KIAA1328: variants seen among roughly 807,000 people sequenced by gnomAD.
KIAA1328 encodes the protein protein hinderin.
Under a neutral mutation model 68.1 loss-of-function variants are expected in KIAA1328, and 52 were observed. The ratio of observed to expected loss-of-function variants is 0.76; its 90% CI spans 0.61 to 0.96. The LOEUF is 0.96. Among genes scored for constraint, KIAA1328 ranks in the 40% least tolerant of loss-of-function variants. The pLI is 0.00. For synonymous variants in KIAA1328, 232 were observed against 239.4 expected (o/e 0.97, Z 0.28); for missense variants, 641 against 677.6 (o/e 0.95, Z 0.60).
At chr18:36,942,667 A>G (rs938666938) in intron 5 of KIAA1328, among the ~76,000 whole-genome samples, 2 of 152,180 alleles carry the variant, frequency 1.3e-5, no homozygotes, top group Non-Finnish European at 2.9e-5. Context: ...TTAATTTTTA[A>G]TAGGAGTAAC....
chr18:36,971,478 A>T (rs2052208718), intron 6 of KIAA1328, among the ~76,000 whole-genome samples: 1 of 152,018 alleles, frequency 6.6e-6, no homozygotes, highest in Admixed American at 6.6e-5. Context: ...AAAAATACAG[A>T]ATTAGCCAGG....
chr18:37,138,069 A>G (rs910739334), intron 7 of KIAA1328, among the ~76,000 whole-genome samples: 2 of 152,206 alleles, frequency 1.3e-5, no homozygotes, highest in Non-Finnish European at 2.9e-5. Context: ...TGTACTAGAT[A>G]TTGCTCTTAA....
At chr18:36,896,711 T>C (rs1324233670) in intron 5 of KIAA1328, among the ~76,000 whole-genome samples, 1 of 152,186 alleles carries the variant, frequency 6.6e-6, no homozygotes. Context: ...TCAACAGTTC[T>C]TGTATGAAGA....
chr18:37,042,631 G>A (rs2055301732), intron 6 of KIAA1328, among the ~76,000 whole-genome samples: 1 of 152,090 alleles, frequency 6.6e-6, no homozygotes, highest in African/African-American at 2.4e-5. Flanking sequence ...TTCTCTGTGT[G>A]TGAAGAGTCA....
At chr18:36,877,501 G>GT (rs1283093084) in intron 4 of KIAA1328, among the ~76,000 whole-genome samples, 5 of 139,272 alleles carry the variant, frequency 3.6e-5, no homozygotes, top group East Asian at 4.2e-4. Context: ...CCCCTGGTGG[G>GT]TTTTTTTTGT....
At chr18:37,146,743 C>A (rs149204744) in intron 7 of KIAA1328, among the ~76,000 whole-genome samples, 2,230 of 152,258 alleles carry the variant, frequency 0.015, 58 homozygotes, top group Admixed American at 0.061. Context: ...TTACTACAGT[C>A]TACATAGTGT....
chr18:37,091,239 G>A (rs1039744857), intron 7 of KIAA1328, among the ~76,000 whole-genome samples: 1 of 152,144 alleles, frequency 6.6e-6, no homozygotes, highest in Non-Finnish European at 1.5e-5. Context: ...GAGCTTCTTG[G>A]AGAGAAGCAC....
intron 6 of KIAA1328, among the ~76,000 whole-genome samples, chr18:37,060,497 A>G (rs1026023597): frequency 6.6e-6 from 1 of 152,182 alleles, no homozygotes; most frequent in African/African-American, 2.4e-5. Flanking sequence ...TATACTACCA[A>G]GTGTTCACGT....
chr18:36,849,722 C>T (rs56049218), intron 4 of KIAA1328, among the ~76,000 whole-genome samples: 20,677 of 151,992 alleles, frequency 0.14, 1,746 homozygotes, highest in Admixed American at 0.18. Context: ...TTATTTTGTA[C>T]ATACCCAGGA....
intron 7 of KIAA1328, among the ~76,000 whole-genome samples, chr18:37,137,962 T>C (rs1385924673): frequency 6.6e-6 from 1 of 152,190 alleles, no homozygotes; most frequent in Non-Finnish European, 1.5e-5. Flanking sequence ...TCCAATTATC[T>C]CTACCCCGCC....
chr18:37,116,527 CT>C (rs1380018781), intron 7 of KIAA1328, among the ~76,000 whole-genome samples: 32 of 152,214 alleles, frequency 2.1e-4, no homozygotes, highest in Non-Finnish European at 8.8e-5. Flanking sequence ...GGATTAAAGA[CT>C]TAAATGTTAG....
chr18:36,911,933 C>T (rs1215257775), intron 5 of KIAA1328, among the ~76,000 whole-genome samples: 1 of 152,010 alleles, frequency 6.6e-6, no homozygotes, highest in Non-Finnish European at 1.5e-5. Flanking sequence ...AAATATTTTA[C>T]TGGGAATAGG....
chr18:36,964,671 C>T (rs2051840025), intron 6 of KIAA1328, among the ~76,000 whole-genome samples: 1 of 151,990 alleles, frequency 6.6e-6, no homozygotes, highest in Non-Finnish European at 1.5e-5. Context: ...ATTTATTCAG[C>T]ATTATAGGTT....
intron 6 of KIAA1328, among the ~76,000 whole-genome samples, chr18:36,971,821 C>A (rs1226040594): frequency 6.6e-6 from 1 of 151,768 alleles, no homozygotes; most frequent in Non-Finnish European, 1.5e-5. Flanking sequence ...TATATGGACC[C>A]AAAGAGAGGA....
At chr18:36,865,986 T>C (rs2047736787) in intron 4 of KIAA1328, among the ~76,000 whole-genome samples, 1 of 152,156 alleles carries the variant, frequency 6.6e-6, no homozygotes, top group South Asian at 2.1e-4. Context: ...ATAACCCTGC[T>C]CTCTGCCTGG....
intron 6 of KIAA1328, among the ~76,000 whole-genome samples, chr18:36,965,244 G>A (rs2051870461): frequency 6.6e-6 from 1 of 151,832 alleles, no homozygotes; most frequent in African/African-American, 2.4e-5. Flanking sequence ...CTCTGATCTG[G>A]TAAAAGGCTT....
chr18:37,037,463 G>A (rs770177723), intron 6 of KIAA1328, among the ~76,000 whole-genome samples: 2 of 151,754 alleles, frequency 1.3e-5, no homozygotes, highest in East Asian at 1.9e-4. Context: ...TTACTTTTTT[G>A]TCTCTTTCCA....
At chr18:37,060,654 A>G (rs75310963) in intron 6 of KIAA1328, among the ~76,000 whole-genome samples, 1,960 of 152,060 alleles carry the variant, frequency 0.013, 40 homozygotes, top group African/African-American at 0.045. Context: ...CATATATCTA[A>G]AAAAAAAGAC....
chr18:37,148,812 G>T (rs1206980442), intron 7 of KIAA1328, among the ~76,000 whole-genome samples: 1 of 152,110 alleles, frequency 6.6e-6, no homozygotes, highest in Non-Finnish European at 1.5e-5. Flanking sequence ...TTTTAATGGG[G>T]TTGTTTGTTT....
Sources: gnomAD v4.1 joint callset for allele counts (sites outside exome capture counted in the v4.1 genomes callset) on GRCh38, gnomAD v4.1.1 for gene constraint, MANE v1.5 for transcripts, NCBI Gene and HGNC (gene_info 2026-07-23, HGNC 2026-07-21) for gene names.